DEUP1: variants seen among roughly 807,000 people sequenced by gnomAD.
The protein encoded by DEUP1 is coiled-coil domain containing 67.
In DEUP1, 82 loss-of-function variants were observed where a neutral mutation model predicts 87.4. That is an observed-to-expected ratio of 0.94 (90% CI 0.78 to 1.13). DEUP1 has a LOEUF of 1.13. DEUP1 is among the 50% of genes most tolerant of loss of function. The pLI, the probability that DEUP1 is intolerant of heterozygous loss-of-function variation, is 0.00. For synonymous variants in DEUP1, 214 were observed against 222.7 expected (o/e 0.96, Z 0.35); for missense variants, 663 against 681.5 (o/e 0.97, Z 0.30).
chr11:93,344,343 A>G, intron 2 of DEUP1, among the ~76,000 whole-genome samples: 1 of 152,322 alleles, frequency 6.6e-6, no homozygotes, highest in Middle Eastern at 3.4e-3. Flanking sequence ...TAAGGCAAAT[A>G]AGTATGTAAT....
intron 13 of DEUP1, among the ~76,000 whole-genome samples, chr11:93,430,124 T>G (rs962470080): frequency 3.3e-5 from 5 of 152,176 alleles, no homozygotes; most frequent in African/African-American, 1.2e-4. Context: ...GACACTATAC[T>G]CCGCTGATTC....
In DEUP1 at chr11:93,408,468, A is replaced by T. The variant is rs754111471; in HGVS notation, c.1523+41A>T. The T allele has an allele frequency of 1.1e-5, 13 of 1,218,594 alleles. 1 individual carries two copies. The South Asian group carries it at 2.0e-4, about 19-fold the overall frequency. 75.5% of individuals were successfully genotyped at this position (1,218,594 alleles called of 1,614,324 possible). ...TATATAAGGGCATAAGTTTAAAAAC[A>T]TGTAATTAAAATTTATTTTTAAAGA... On this transcript the variant is annotated intron_variant, in intron 12 of 13. Coordinates refer to ENST00000298050, the MANE Select transcript of DEUP1 (RefSeq NM_181645.4).
chr11:93,389,579 T>C (rs1164983595), intron 9 of DEUP1, among the ~76,000 whole-genome samples: 1 of 152,216 alleles, frequency 6.6e-6, no homozygotes, highest in Non-Finnish European at 1.5e-5. Flanking sequence ...GGAACTGTTC[T>C]AAGGACTTAA....
chr11:93,378,674 T>C (rs1946152197), intron 7 of DEUP1, among the ~76,000 whole-genome samples: 1 of 150,722 alleles, frequency 6.6e-6, no homozygotes, highest in Admixed American at 6.6e-5. Flanking sequence ...ACCAGAATTG[T>C]TTTTCTGGTT....
chr11:93,436,012 A>T (rs1045062927), intron 13 of DEUP1, among the ~76,000 whole-genome samples: 6 of 143,706 alleles, frequency 4.2e-5, no homozygotes, highest in East Asian at 2.2e-4. Flanking sequence ...AAAAAAAAAA[A>T]ATTTTTTCTG....
chr11:93,408,288 T>C lies in DEUP1; in HGVS notation c.1384T>C (p.Tyr462His). Residue 462 changes from tyrosine (Y) to histidine (H), a missense_variant, in exon 12 of 14, where the codon TAT (tyrosine) becomes CAT (histidine). Tyr to His is a moderately conservative substitution (Grantham distance 83). Transcript: ENST00000298050. ...SRHTSINKLQ[Y>H]ENERLRNDLA... The stretch of plus-strand genomic sequence containing the variant: ...GCATACATCTATTAATAAACTGCAA[T>C]ATGAGAATGAAAGGCTCCGAAATGA... The C allele has an allele frequency of 6.3e-7, 1 of 1,585,340 alleles. No homozygotes were observed. Among genetic ancestry groups the C allele is most frequent in the South Asian group, 1.2e-5 (1 of 86,608 alleles).
At chr11:93,420,453 A>G (rs1342086576) in intron 13 of DEUP1, among the ~76,000 whole-genome samples, 3 of 152,094 alleles carry the variant, frequency 2.0e-5, no homozygotes, top group Non-Finnish European at 4.4e-5. Context: ...CATAGCCAAT[A>G]TCATACTGAA....
At chr11:93,414,963 T>C (rs746935216) in intron 12 of DEUP1, 37 bp from the exon 13 acceptor site, 2 of 1,202,164 alleles carry the variant, frequency 1.7e-6, no homozygotes, top group Admixed American at 2.5e-5. Flanking sequence ...ACATGTGTCC[T>C]TGATAGCAAC....
At chr11:93,395,877 G>A (rs1312689400) in intron 10 of DEUP1, among the ~76,000 whole-genome samples, 2 of 152,142 alleles carry the variant, frequency 1.3e-5, no homozygotes, top group Non-Finnish European at 2.9e-5. Flanking sequence ...TTAATCAGGT[G>A]TTGAATAAAT....
intron 12 of DEUP1, among the ~76,000 whole-genome samples, 158 bp from the exon 13 acceptor site, chr11:93,414,842 A>G (rs370396963): frequency 2.8e-4 from 43 of 152,338 alleles, no homozygotes; most frequent in African/African-American, 9.9e-4. Flanking sequence ...GAAATTATTC[A>G]TCAGGAAAGT....
chr11:93,347,885 G>C (rs575290740), intron 2 of DEUP1, among the ~76,000 whole-genome samples: 2 of 151,974 alleles, frequency 1.3e-5, no homozygotes, highest in Non-Finnish European at 2.9e-5. Flanking sequence ...GACTACAGGC[G>C]CGTGCCACCA....
At chr11:93,412,283 G>A (rs1019416306) in intron 12 of DEUP1, among the ~76,000 whole-genome samples, 2 of 152,322 alleles carry the variant, frequency 1.3e-5, no homozygotes, top group African/African-American at 4.8e-5. Context: ...GTGAAATCAC[G>A]CAGCAGCCTT....
chr11:93,393,588 T>C (rs1263534196), intron 9 of DEUP1, among the ~76,000 whole-genome samples: 1 of 152,248 alleles, frequency 6.6e-6, no homozygotes, highest in Non-Finnish European at 1.5e-5. Context: ...TTAAACACAC[T>C]GCCACTACAT....
Position 93,396,226 on chromosome 11 carries a change from C to A in DEUP1, c.1240-13C>A. The A allele has an allele frequency of 6.7e-7, 1 of 1,495,500 alleles. No individual in the cohort carries two copies. Among genetic ancestry groups the A allele is most frequent in the Non-Finnish European group, 9.1e-7 (1 of 1,102,990 alleles). 92.6% of individuals were successfully genotyped at this position (1,495,500 alleles called of 1,614,324 possible). ...TATGAATTTTACATTTGCCTTTTAT[C>A]TGCTAATTTCAGGTCTCAGATATGA... On this transcript the variant is annotated splice_polypyrimidine_tract_variant and intron_variant, in intron 10 of 13. Transcript: ENST00000298050.
chr11:93,335,803 A>G (rs1943730725), intron 2 of DEUP1, among the ~76,000 whole-genome samples: 1 of 152,120 alleles, frequency 6.6e-6, no homozygotes, highest in Non-Finnish European at 1.5e-5. Flanking sequence ...CTCCACATAT[A>G]AATAGCATAT....
intron 7 of DEUP1, among the ~76,000 whole-genome samples, chr11:93,384,634 G>T (rs1172728946): frequency 1.3e-5 from 2 of 152,224 alleles, no homozygotes; most frequent in African/African-American, 4.8e-5. Flanking sequence ...CTGCCATTGG[G>T]CAAGGGTTGA....
chr11:93,409,094 T>C (rs897705102), intron 12 of DEUP1, among the ~76,000 whole-genome samples: 3 of 152,168 alleles, frequency 2.0e-5, no homozygotes, highest in African/African-American at 7.2e-5. Flanking sequence ...TGACCGCAAG[T>C]GATCCACCCA....
chr11:93,428,360 C>T (rs1947996526), intron 13 of DEUP1, among the ~76,000 whole-genome samples: 1 of 151,756 alleles, frequency 6.6e-6, no homozygotes, highest in South Asian at 2.1e-4. Flanking sequence ...AAACCAAACA[C>T]CACATGTTCT....
intron 13 of DEUP1, 53 bp from the exon 14 acceptor site, chr11:93,437,490 G>A: frequency 7.0e-7 from 1 of 1,419,586 alleles, no homozygotes; most frequent in South Asian, 1.3e-5. Flanking sequence ...GAAATGGGAA[G>A]ATTTTTTAAA....
Sources: gnomAD v4.1 joint callset for allele counts (sites outside exome capture counted in the v4.1 genomes callset) on GRCh38, gnomAD v4.1.1 for gene constraint, MANE v1.5 for transcripts, NCBI Gene and HGNC (gene_info 2026-07-23, HGNC 2026-07-21) for gene names.